Variants in EBF2 observed in about 807,000 individuals in gnomAD.
The protein encoded by EBF2 is EBF transcription factor 2.
A neutral mutation model predicts 72.8 loss-of-function variants in EBF2; 21 were observed. The ratio of observed to expected loss-of-function variants is 0.29; its 90% CI spans 0.20 to 0.42. The LOEUF is 0.42. Among genes scored for constraint, EBF2 ranks in the 10% least tolerant of loss-of-function variants. The probability of loss-of-function intolerance (pLI) is 1.00; values close to 1 mark genes in which losing one functional copy is unlikely to be tolerated. For missense variants in EBF2, 637 were observed against 731.2 expected (o/e 0.87, Z 1.49); for synonymous variants, 299 against 274.2 (o/e 1.09, Z -0.89).
chr8:26,038,383 C>T (rs1352026), intron 5 of EBF2, among the ~76,000 whole-genome samples: 45,536 of 151,940 alleles, frequency 0.3, 7,205 homozygotes, highest in African/African-American at 0.38. Context: ...ATTGATGCTG[C>T]TACTTAAACA....
intron 6 of EBF2, among the ~76,000 whole-genome samples, chr8:25,983,444 T>C (rs769546844): frequency 5.9e-5 from 9 of 152,250 alleles, no homozygotes; most frequent in Non-Finnish European, 1.3e-4. Context: ...TATTTCGTTT[T>C]ATAATTTAAA....
At chr8:25,995,281 G>T (rs1192469362) in intron 6 of EBF2, among the ~76,000 whole-genome samples, 1 of 152,022 alleles carries the variant, frequency 6.6e-6, no homozygotes, top group Non-Finnish European at 1.5e-5. Flanking sequence ...ACTTGAGCCT[G>T]GGCAACAAGA....
Position 25,886,743 on chromosome 8 carries a change from T to A in EBF2, c.1009+12A>T, listed in dbSNP as rs763942684. The A allele has an allele frequency of 6.2e-6, 10 of 1,603,832 alleles. No individual in the cohort carries two copies. The highest frequency in any genetic ancestry group is 7.7e-6 in the Non-Finnish European group (9 of 1,175,028). Reference sequence around the variant, plus strand: ...AGAAGCCAGCCTCTCTTGGAATCGTTTTCTCACCTACCTGTGTAAATGAAC... The same window carrying A: ...AGAAGCCAGCCTCTCTTGGAATCGTATTCTCACCTACCTGTGTAAATGAAC... On this transcript the variant is annotated intron_variant, in intron 10 of 15. Coordinates refer to ENST00000520164, the MANE Select transcript of EBF2 (RefSeq NM_022659.4).
At chr8:26,001,993 C>T (rs1804735157) in intron 6 of EBF2, among the ~76,000 whole-genome samples, 1 of 152,174 alleles carries the variant, frequency 6.6e-6, no homozygotes. Context: ...ATTAAACTCA[C>T]TAGGATTGTG....
intron 8 of EBF2, among the ~76,000 whole-genome samples, chr8:25,888,782 C>T (rs1297490952): frequency 6.6e-6 from 1 of 152,160 alleles, no homozygotes; most frequent in East Asian, 1.9e-4. Context: ...ACTCCATTTC[C>T]AAAGTTGACA....
chr8:25,882,379 G>T (rs1045607091), intron 10 of EBF2, among the ~76,000 whole-genome samples: 7 of 152,120 alleles, frequency 4.6e-5, no homozygotes, highest in Non-Finnish European at 2.9e-5. Flanking sequence ...TAAGATATGG[G>T]CCATTCTATC....
chr8:25,851,513 C>T (rs753341109), intron 14 of EBF2, among the ~76,000 whole-genome samples: 17 of 152,136 alleles, frequency 1.1e-4, no homozygotes, highest in Non-Finnish European at 1.5e-4. Context: ...AGTACCCCAC[C>T]TCTTAATGTC....
At chr8:25,906,946 G>GTT (rs201070596) in intron 7 of EBF2, among the ~76,000 whole-genome samples, 9 of 151,214 alleles carry the variant, frequency 6.0e-5, no homozygotes, top group Non-Finnish European at 1.3e-4. Flanking sequence ...ACTACTACTA[G>GTT]TTTTTTTTTC....
At chr8:26,040,146 G>A (rs970097163) in intron 4 of EBF2, 45 bp from the exon 5 acceptor site, 18 of 1,587,168 alleles carry the variant, frequency 1.1e-5, no homozygotes, top group Non-Finnish European at 1.5e-5. Context: ...GGAGAGGGGT[G>A]GGGGGCAAGG....
chr8:25,850,096 G>C (rs1448983910), intron 15 of EBF2, among the ~76,000 whole-genome samples: 1 of 152,124 alleles, frequency 6.6e-6, no homozygotes, highest in Non-Finnish European at 1.5e-5. Flanking sequence ...TGTTTTCCCT[G>C]ATCTTACTTT....
At chr8:26,035,369 C>T (rs1316168128) in intron 5 of EBF2, among the ~76,000 whole-genome samples, 3 of 152,064 alleles carry the variant, frequency 2.0e-5, no homozygotes, top group Non-Finnish European at 4.4e-5. Flanking sequence ...AGGCTGATCT[C>T]GAACTCCTAG....
At chr8:26,012,921 A>G (rs987355459) in intron 6 of EBF2, among the ~76,000 whole-genome samples, 1 of 152,224 alleles carries the variant, frequency 6.6e-6, no homozygotes, top group Non-Finnish European at 1.5e-5. Flanking sequence ...GTTAGGCATT[A>G]TTCTAGATGC....
chr8:26,017,762 T>C (rs139083552), intron 6 of EBF2, among the ~76,000 whole-genome samples: 110 of 152,260 alleles, frequency 7.2e-4, no homozygotes, highest in African/African-American at 2.5e-3. Context: ...CCCAGAAAAA[T>C]ACACTCTTTT....
At chr8:25,866,714 CT>C (rs1208206828) in intron 10 of EBF2, among the ~76,000 whole-genome samples, 2 of 147,938 alleles carry the variant, frequency 1.4e-5, no homozygotes, top group Non-Finnish European at 3.0e-5. Context: ...TCACTGCAAC[CT>C]CTGCCTCCCA....
At chr8:25,922,425 T>C (rs1021374343) in intron 6 of EBF2, among the ~76,000 whole-genome samples, 30 of 152,218 alleles carry the variant, frequency 2.0e-4, no homozygotes, top group Non-Finnish European at 4.4e-4. Context: ...AATGTGTTTC[T>C]ACACAGTACG....
Position 26,033,145 on chromosome 8 carries a change from C to T in EBF2, c.491G>A (p.Cys164Tyr). The change falls in exon 6 of 16, where the codon TGC becomes TAC. Residue 164 changes from cysteine (C) to tyrosine (Y), a missense_variant. Around this residue, in one of 3 missense-constraint regions of EBF2, gnomAD observed 204 missense variants for 301.2 expected, o/e 0.68. Coordinates refer to ENST00000520164, the MANE Select transcript of EBF2 (RefSeq NM_022659.4). The stretch of plus-strand genomic sequence containing the variant: ...TCGGTTTCCACAGCTTTTCTTTTCG[C>T]AGCATCGACTGTAGATTGGGAAGGA... ...LTHEVMCSRC[C>Y]EKKSCGNRNE... 1.2e-6 allele frequency: 2 copies of T among 1,614,096 alleles called. No homozygotes were observed. Among genetic ancestry groups the T allele is most frequent in the South Asian group, 1.1e-5 (1 of 91,076 alleles).
chr8:25,999,451 C>A (rs547627053), intron 6 of EBF2, among the ~76,000 whole-genome samples: 1 of 152,178 alleles, frequency 6.6e-6, no homozygotes, highest in Admixed American at 6.5e-5. Flanking sequence ...TCTCATCTGA[C>A]GAATGCCCTG....
intron 6 of EBF2, among the ~76,000 whole-genome samples, chr8:25,962,218 T>C (rs1277115888): frequency 2.6e-5 from 4 of 152,170 alleles, no homozygotes; most frequent in Non-Finnish European, 5.9e-5. Context: ...CTTGATTCCA[T>C]ATCCTGTCCA....
intron 10 of EBF2, among the ~76,000 whole-genome samples, chr8:25,883,411 C>A (rs1200279008): frequency 8.8e-6 from 1 of 113,002 alleles, no homozygotes; most frequent in East Asian, 2.0e-4. Flanking sequence ...CTGTAGCCAT[C>A]TCCCTTTTTT....
Sources: gnomAD v4.1 joint callset for allele counts (sites outside exome capture counted in the v4.1 genomes callset) on GRCh38, gnomAD v4.1.1 for gene constraint, gnomAD v4.1.1 regional missense constraint, MANE v1.5 for transcripts, NCBI Gene and HGNC (gene_info 2026-07-23, HGNC 2026-07-21) for gene names.